Variants in RBFOX1 observed in about 807,000 individuals in gnomAD.
The protein encoded by RBFOX1 is RNA binding fox-1 homolog 1.
A neutral mutation model predicts 57.7 loss-of-function variants in RBFOX1; 8 were observed. The observed-to-expected ratio is 0.14, with a 90% CI of 0.08 to 0.25. The LOEUF (loss-of-function observed/expected upper bound fraction) is 0.25, where lower values mean the gene tolerates loss of function less well. Ranked by LOEUF, RBFOX1 falls within the 10% of genes least tolerant of loss-of-function variation. RBFOX1 has a pLI of 1.00. For synonymous variants in RBFOX1, 326 were observed against 222.4 expected, an observed-to-expected ratio of 1.47 and a Z score of -4.15; for missense variants, 611 against 548.5, an observed-to-expected ratio of 1.11 and a Z score of -1.14.
At chr16:5,910,736 C>G (rs1423850405) in intron 4 of RBFOX1, among the ~76,000 whole-genome samples, 1 of 152,198 alleles carries the variant, frequency 6.6e-6, no homozygotes, top group Non-Finnish European at 1.5e-5. Context: ...GAACTTCAAG[C>G]TGTCAGAATC....
At chr16:6,155,528 C>G (rs114265449) in intron 1 of RBFOX1, among the ~76,000 whole-genome samples, 2,893 of 152,306 alleles carry the variant, frequency 0.019, 99 homozygotes, top group African/African-American at 0.065. Context: ...CTTTTAACCT[C>G]CAGGTTACTG....
chr16:6,092,976 C>G (rs1240954253), intron 1 of RBFOX1: 2 of 152,138 alleles, frequency 1.3e-5, no homozygotes, highest in African/African-American at 4.8e-5. Context: ...TGTTTATCAC[C>G]TGGGTGACAG....
At chr16:6,188,169 A>AT (rs2097118073) in intron 1 of RBFOX1, among the ~76,000 whole-genome samples, 1 of 152,142 alleles carries the variant, frequency 6.6e-6, no homozygotes, top group African/African-American at 2.4e-5. Context: ...GCTCAGTTGG[A>AT]TAAAAAATCC....
chr16:5,725,402 C>G (rs535298436), intron 3 of RBFOX1, among the ~76,000 whole-genome samples: 22 of 152,080 alleles, frequency 1.4e-4, no homozygotes, highest in African/African-American at 5.1e-4. Flanking sequence ...CACCACTGCC[C>G]CCAGCTAATT....
chr16:6,465,957 C>T (rs560339458), intron 2 of RBFOX1, among the ~76,000 whole-genome samples: 4 of 151,864 alleles, frequency 2.6e-5, no homozygotes, highest in South Asian at 2.1e-4. Flanking sequence ...GACTGGGTGT[C>T]GTGGCTCATG....
intron 4 of RBFOX1, among the ~76,000 whole-genome samples, chr16:5,987,182 T>C (rs2060301159): frequency 1.3e-5 from 2 of 152,274 alleles, no homozygotes. Flanking sequence ...TTTTATTGAA[T>C]TGTTTGTTCA....
At chr16:5,707,533 C>T (rs1026641666) in intron 3 of RBFOX1, among the ~76,000 whole-genome samples, 2 of 152,162 alleles carry the variant, frequency 1.3e-5, no homozygotes, top group Non-Finnish European at 2.9e-5. Flanking sequence ...GCAAGGAACT[C>T]AGAGAATCAT....
chr16:5,369,276 A>G (rs1030479842), intron 1 of RBFOX1, among the ~76,000 whole-genome samples: 3 of 152,256 alleles, frequency 2.0e-5, no homozygotes, highest in Non-Finnish European at 2.9e-5. Context: ...TGCTGAGATT[A>G]CAGGCATAAG....
chr16:6,076,742 C>T (rs764954951), intron 1 of RBFOX1, among the ~76,000 whole-genome samples: 15 of 152,220 alleles, frequency 9.9e-5, no homozygotes, highest in Admixed American at 2.0e-4. Context: ...TAGACAAGCT[C>T]GCTGTCAAAC....
chr16:5,809,815 C>T (rs1340034484), intron 3 of RBFOX1, among the ~76,000 whole-genome samples: 1 of 152,068 alleles, frequency 6.6e-6, no homozygotes, highest in Non-Finnish European at 1.5e-5. Context: ...CCCAGCCATC[C>T]CATTACTGGG....
chr16:7,359,672 G>A (rs1198165242), intron 4 of RBFOX1, among the ~76,000 whole-genome samples: 1 of 152,130 alleles, frequency 6.6e-6, no homozygotes, highest in Non-Finnish European at 1.5e-5. Flanking sequence ...TGTCAAGGAT[G>A]TTTTGTTGAA....
At position 6,019,960 on chromosome 16, in the gene RBFOX1, C is replaced by A. The variant is rs1235149522; in HGVS notation, c.-159C>A. ...GAATTCGGGGGTCTGGGGCCGAGAACGTGACCGCAGCCGGGCTCGCCGGGA... is the reference window on the plus strand; with the variant it reads ...GAATTCGGGGGTCTGGGGCCGAGAAAGTGACCGCAGCCGGGCTCGCCGGGA... On this transcript the variant is annotated 5_prime_UTR_variant, in exon 1 of 16. Coordinates refer to ENST00000550418, the MANE Select transcript of RBFOX1 (RefSeq NM_018723.4). The surrounding 1 kb of genome is among the most constrained non-coding windows in gnomAD (Gnocchi z 4.2). 6.5e-7 allele frequency: 1 copy of A among 1,531,790 alleles called. No individual in the cohort carries two copies. Among genetic ancestry groups the A allele is most frequent in the East Asian group, 2.5e-5 (1 of 40,732 alleles). 94.9% of individuals were successfully genotyped at this position (1,531,790 alleles called of 1,614,324 possible).
intron 1 of RBFOX1, among the ~76,000 whole-genome samples, chr16:5,390,841 C>G (rs527458795): frequency 2.6e-5 from 4 of 152,146 alleles, no homozygotes; most frequent in Non-Finnish European, 5.9e-5. Flanking sequence ...GATGCTGAAG[C>G]TGTGGCAGCC....
intron 1 of RBFOX1, among the ~76,000 whole-genome samples, chr16:5,271,770 C>G (rs1334228696): frequency 6.6e-6 from 1 of 152,192 alleles, no homozygotes; most frequent in Non-Finnish European, 1.5e-5. Flanking sequence ...GCGCCCCAGC[C>G]CCTGATAACC....
intron 2 of RBFOX1, among the ~76,000 whole-genome samples, chr16:5,531,098 C>G (rs2044460253): frequency 6.6e-6 from 1 of 152,012 alleles, no homozygotes; most frequent in African/African-American, 2.4e-5. Flanking sequence ...GCACTCCAGC[C>G]TGGGTGAGAA....
chr16:6,050,109 C>T (rs1373484461), intron 1 of RBFOX1, among the ~76,000 whole-genome samples: 2 of 151,954 alleles, frequency 1.3e-5, no homozygotes, highest in Admixed American at 6.6e-5. Context: ...CAGGTGTATG[C>T]CACGACGCCT....
chr16:6,874,267 C>A lies in RBFOX1; in HGVS notation c.-15-177790C>A, dbSNP rs559648174. Among the ~76,000 whole-genome samples, 6 of 152,010 alleles carry A rather than the reference C, an allele frequency of 3.9e-5. 1 individual carries two copies. The highest frequency in any genetic ancestry group is 1.4e-4 in the African/African-American group (6 of 41,494). On this transcript the variant is annotated intron_variant, in intron 3 of 15. Transcript: ENST00000550418. ...GTTCACACTTGTAATCCCAGCACTT[C>A]GGGAGGCTGAGGCAGGTGGATAATC...
rs138735100 is a variant in RBFOX1, at chr16:5,413,910, C to T, written c.220-53306C>T. Reference sequence around the variant, plus strand: ...CCTTCCCATTCCTGCGTCCATGTTCCTGAAAGCTCATGACTCTAGGCGCCT... The same window carrying T: ...CCTTCCCATTCCTGCGTCCATGTTCTTGAAAGCTCATGACTCTAGGCGCCT... On this transcript the variant is annotated intron_variant, in intron 1 of 2. Transcript: ENST00000585867. 2.7e-3 allele frequency among the ~76,000 whole-genome samples: 408 copies of T among 152,210 alleles called. 3 individuals carry two copies. Among genetic ancestry groups the T allele is most frequent in the African/African-American group, 9.4e-3 (390 of 41,526 alleles).
At chr16:5,274,733 T>C (rs530594265) in intron 1 of RBFOX1, among the ~76,000 whole-genome samples, 33 of 152,336 alleles carry the variant, frequency 2.2e-4, no homozygotes, top group African/African-American at 7.2e-4. Context: ...GAGCCACCTC[T>C]CAGTCCCTTG....
Sources: gnomAD v4.1 joint callset for allele counts (sites outside exome capture counted in the v4.1 genomes callset) on GRCh38, gnomAD v4.1.1 for gene constraint, Gnocchi (gnomAD v3.1) non-coding constraint, MANE v1.5 for transcripts, NCBI Gene and HGNC (gene_info 2026-07-23, HGNC 2026-07-21) for gene names.